The following PDE4D variants were observed in gnomAD, a reference collection of about 807,000 sequenced individuals.
PDE4D encodes 3',5'-cyclic-AMP phosphodiesterase 4D.
Under a neutral mutation model 87.4 loss-of-function variants are expected in PDE4D, and 24 were observed. The observed-to-expected ratio is 0.27, with a 90% CI of 0.20 to 0.39. The LOEUF (loss-of-function observed/expected upper bound fraction) is 0.39, where lower values mean the gene tolerates loss of function less well. Among genes scored for constraint, PDE4D ranks in the 10% least tolerant of loss-of-function variants. PDE4D has a pLI of 1.00. For missense variants in PDE4D, 714 were observed against 1,041.0 expected (o/e 0.69, Z 4.32); for synonymous variants, 384 against 383.2 (o/e 1.00, Z -0.02).
intron 1 of PDE4D, among the ~76,000 whole-genome samples, chr5:59,605,927 T>C (rs1828137791): frequency 6.6e-6 from 1 of 152,090 alleles, no homozygotes; most frequent in Non-Finnish European, 1.5e-5. Flanking sequence ...ACTTGGCTAC[T>C]TTATTACAGA....
At chr5:59,843,438 C>T (rs754400040) in intron 1 of PDE4D, among the ~76,000 whole-genome samples, 3 of 151,602 alleles carry the variant, frequency 2.0e-5, no homozygotes, top group Non-Finnish European at 3.0e-5. Flanking sequence ...CCCTACCCTA[C>T]TCCCCCCCAG....
chr5:59,514,112 T>C (rs2153669966), intron 1 of PDE4D, among the ~76,000 whole-genome samples: 1 of 151,474 alleles, frequency 6.6e-6, no homozygotes, highest in South Asian at 2.1e-4. Context: ...ATTTTTCTTT[T>C]TTTTTTTTTT....
intron 1 of PDE4D, among the ~76,000 whole-genome samples, chr5:59,501,497 G>C (rs1448434093): frequency 6.6e-6 from 1 of 152,112 alleles, no homozygotes; most frequent in Non-Finnish European, 1.5e-5. Flanking sequence ...CAGCATATGA[G>C]AGCACAGAGG....
At position 59,218,054 on chromosome 5, in the gene PDE4D, T is replaced by A; in HGVS notation, c.456-2086A>T. The A allele has an allele frequency of 4.3e-6, 2 of 461,420 alleles. 1 individual carries two copies. Among genetic ancestry groups the A allele is most frequent in the South Asian group, 3.2e-5 (2 of 63,268 alleles). The allele number at this position is 461,420 out of a possible 1,614,324, so 28.6% of individuals were successfully genotyped here. ...ATTTAAGAAGGTTTTTGAAGGTATT[T>A]AGTACACAACTGGAAGACATTAAAA... On this transcript the variant is annotated intron_variant, in intron 1 of 14. Coordinates refer to ENST00000340635, the MANE Select transcript of PDE4D (RefSeq NM_001104631.2).
chr5:59,076,099 A>C, intron 5 of PDE4D, among the ~76,000 whole-genome samples: 1 of 152,178 alleles, frequency 6.6e-6, no homozygotes, highest in East Asian at 1.9e-4. Context: ...GTTTCCTTAA[A>C]GTTAATGAGC....
chr5:59,556,098 A>G (rs984694216), intron 1 of PDE4D, among the ~76,000 whole-genome samples: 5 of 152,276 alleles, frequency 3.3e-5, no homozygotes, highest in Admixed American at 3.3e-4. Context: ...TAACATTAAA[A>G]AATAAGCTTT....
At chr5:59,060,581 T>G (rs1249164694) in intron 5 of PDE4D, among the ~76,000 whole-genome samples, 2 of 152,156 alleles carry the variant, frequency 1.3e-5, no homozygotes, top group Admixed American at 6.6e-5. Context: ...GTTAGTCATA[T>G]AGGTAAATTG....
chr5:59,366,287 G>T (rs1783042676), intron 1 of PDE4D, among the ~76,000 whole-genome samples: 2 of 152,002 alleles, frequency 1.3e-5, no homozygotes, highest in Admixed American at 1.3e-4. Context: ...TTGAAGGGTG[G>T]ACTTTGTACA....
chr5:60,106,458 A>G (rs551190584), intron 2 of PDE4D, among the ~76,000 whole-genome samples: 1 of 152,106 alleles, frequency 6.6e-6, no homozygotes, highest in African/African-American at 2.4e-5. Context: ...ACGAGACAGA[A>G]AGTTAACAAG....
chr5:59,618,375 T>C (rs1829958471), intron 1 of PDE4D, among the ~76,000 whole-genome samples: 1 of 151,924 alleles, frequency 6.6e-6, no homozygotes, highest in African/African-American at 2.4e-5. Context: ...AAACAAAGGC[T>C]CAGAGACAAG....
chr5:59,663,655 G>A lies in PDE4D; in HGVS notation c.455+229513C>T, dbSNP rs538711587. The stretch of plus-strand genomic sequence containing the variant: ...TTCTAAGCAAATGAACTATTTTACT[G>A]TATGTTCAACCTCCTACAGAACGCT... On this transcript the variant is annotated intron_variant, in intron 1 of 14. Coordinates refer to ENST00000340635, the MANE Select transcript of PDE4D (RefSeq NM_001104631.2). Among the ~76,000 whole-genome samples, 97 of 152,156 alleles carry A rather than the reference G, an allele frequency of 6.4e-4. 2 individuals carry two copies. Among genetic ancestry groups the A allele is most frequent in the African/African-American group, 2.3e-3 (95 of 41,508 alleles).
At chr5:59,664,911 T>G (rs1745818979) in intron 1 of PDE4D, among the ~76,000 whole-genome samples, 1 of 152,204 alleles carries the variant, frequency 6.6e-6, no homozygotes, top group African/African-American at 2.4e-5. Flanking sequence ...ATAGACTTTG[T>G]AAAATGCCAT....
intron 5 of PDE4D, among the ~76,000 whole-genome samples, chr5:59,106,684 C>T (rs769111127): frequency 2.1e-4 from 32 of 152,282 alleles, no homozygotes; most frequent in African/African-American, 6.0e-4. Context: ...CGCTTGAACC[C>T]GGGAGGCGGA....
At chr5:59,742,699 C>T (rs953442198) in intron 1 of PDE4D, among the ~76,000 whole-genome samples, 2 of 152,062 alleles carry the variant, frequency 1.3e-5, no homozygotes, top group African/African-American at 4.8e-5. Flanking sequence ...TAGGTAATGC[C>T]CTGAAACAGT....
chr5:59,500,665 C>T (rs1808143988), intron 1 of PDE4D, among the ~76,000 whole-genome samples: 2 of 152,254 alleles, frequency 1.3e-5, no homozygotes, highest in South Asian at 4.1e-4. Flanking sequence ...TATGTCACTA[C>T]GTGGGCAGTG....
intron 2 of PDE4D, among the ~76,000 whole-genome samples, chr5:60,101,958 A>G (rs990939312): frequency 7.9e-5 from 12 of 152,166 alleles, no homozygotes; most frequent in Non-Finnish European, 1.5e-4. Context: ...GTCTTGGCAA[A>G]GTATGAAAGT....
chr5:58,975,754 A>G lies in PDE4D; in HGVS notation c.1916T>C (p.Met639Thr), dbSNP rs1412892900. ...QLYRQWTDRI[M>T]EEFFRQGDRE... ...GTCTCCTTGGCGGAAGAACTCCTCC[A>G]TTATCCGGTCCGTCCACTGGCGGTA... Residue 639 changes from methionine (M) to threonine (T), a missense_variant, in exon 14 of 15, where the codon ATG (methionine) becomes ACG (threonine). Coordinates refer to ENST00000340635, the MANE Select transcript of PDE4D (RefSeq NM_001104631.2). The surrounding 1 kb of genome is among the most constrained non-coding windows in gnomAD (Gnocchi z 4.2). 3.1e-6 allele frequency: 5 copies of G among 1,613,360 alleles called. No individual in the cohort carries two copies.
At chr5:59,068,456 C>G (rs1764256699) in intron 5 of PDE4D, among the ~76,000 whole-genome samples, 1 of 152,106 alleles carries the variant, frequency 6.6e-6, no homozygotes, top group East Asian at 1.9e-4. Flanking sequence ...CAGACACTGA[C>G]AGATGCTGGA....
At chr5:59,076,923 C>T (rs558312540) in intron 5 of PDE4D, among the ~76,000 whole-genome samples, 1 of 152,226 alleles carries the variant, frequency 6.6e-6, no homozygotes, top group South Asian at 2.1e-4. Flanking sequence ...CAGTAATGTG[C>T]CCCAAGCTAC....
Sources: allele counts gnomAD v4.1 joint callset (sites outside exome capture counted in the v4.1 genomes callset), GRCh38; gene constraint gnomAD v4.1.1; non-coding constraint Gnocchi (gnomAD v3.1); transcripts MANE v1.5; gene names NCBI Gene and HGNC (gene_info 2026-07-23, HGNC 2026-07-21).